Variants in AGXT observed in about 807,000 individuals in gnomAD.
AGXT encodes L-alanine: glyoxylate aminotransferase 1.
Under a neutral mutation model 46.9 loss-of-function variants are expected in AGXT, and 41 were observed. The observed-to-expected ratio is 0.88, with a 90% confidence interval of 0.68 to 1.14. The LOEUF (loss-of-function observed/expected upper bound fraction) is 1.14. Among genes scored for constraint, AGXT ranks in the 50% most tolerant of loss-of-function variants. The pLI, the probability that AGXT is intolerant of heterozygous loss-of-function variation, is 0.00. For missense variants in AGXT, 525 were observed against 522.7 expected, an observed-to-expected ratio of 1.00 and a Z score of -0.04; for synonymous variants, 244 against 227.9, an observed-to-expected ratio of 1.07 and a Z score of -0.64.
Position 240,878,132 on chromosome 2 carries a change from T to C in AGXT, c.1053T>C (p.Leu351=), listed in dbSNP as rs767996757. Reference sequence around the variant, plus strand: ...TCGACATTGAGATCATGGGTGGCCTTGGGCCCTCCACGGGGAAGGTGAGAG... The same window carrying C: ...TCGACATTGAGATCATGGGTGGCCTCGGGCCCTCCACGGGGAAGGTGAGAG... ...DHFDIEIMGG[L]GPSTGKVLRI... The change falls in exon 10 of 11, where the codon CTT becomes CTC. Residue 351 remains leucine, a synonymous_variant. Transcript: ENST00000307503. 2.5e-5 allele frequency: 41 copies of C among 1,612,928 alleles called. No individual in the cohort carries two copies. In the Admixed American group the frequency reaches 6.7e-4, roughly 26 times the overall value.
intron 8 of AGXT, among the ~76,000 whole-genome samples, chr2:240,876,720 A>G (rs1277498980): frequency 6.6e-6 from 1 of 152,204 alleles, no homozygotes; most frequent in Non-Finnish European, 1.5e-5. Context: ...GCCACTGCCT[A>G]GGGCTGGGTT....
rs180177185 is a variant in AGXT at position 240,869,248 on chromosome 2, G to C, written c.244G>C (p.Gly82Arg). Residue 82 changes from glycine to arginine, a missense_variant, in exon 2 of 11, where the codon GGA (glycine) becomes CGA (arginine). Gly to Arg is a moderately radical substitution (Grantham distance 125). Transcript: ENST00000307503. ...ACTCACACTGGTCATCTCTGGCTCGGGACACTGTGCCCTGGAGGCCGCCCT... is the reference window on the plus strand; with the variant it reads ...ACTCACACTGGTCATCTCTGGCTCGCGACACTGTGCCCTGGAGGCCGCCCT... ...NPLTLVISGS[G>R]HCALEAALVN... is the part of the protein sequence containing the mutation. 1 of 1,613,894 alleles carries C rather than the reference G, an allele frequency of 6.2e-7. No individual in the cohort carries two copies. Among genetic ancestry groups the C allele is most frequent in the East Asian group, 2.2e-5 (1 of 44,876 alleles).
intron 2 of AGXT, 91 bp downstream of exon 2, chr2:240,869,453 C>T: frequency 4.9e-6 from 7 of 1,414,162 alleles, no homozygotes; most frequent in Non-Finnish European, 6.6e-6. Context: ...GCCCCCGTTC[C>T]TGGGTGAGCG....
At chr2:240,870,832 C>T (rs978032866) in intron 3 of AGXT, 124 bp downstream of exon 3, 2 of 919,874 alleles carry the variant, frequency 2.2e-6, no homozygotes, top group South Asian at 1.6e-5. Context: ...GTGGCTGACC[C>T]TCAGCCCATC....
Position 240,870,638 on chromosome 2 carries a change from A to C in AGXT, c.359-6A>C. 6.4e-7 allele frequency: 1 copy of C among 1,551,248 alleles called. No homozygotes were observed. The highest frequency in any genetic ancestry group is 1.4e-5 in the African/African-American group (1 of 73,198). On this transcript the variant is annotated splice_region_variant and splice_polypyrimidine_tract_variant and intron_variant, in intron 2 of 10. Coordinates refer to ENST00000307503, the MANE Select transcript of AGXT (RefSeq NM_000030.3). ...ACACTCACGGCCCACTCTGTCCTGC[A>C]CCCAGGAGCCCGAGTGCACCCGATG...
intron 9 of AGXT, 126 bp downstream of exon 9, chr2:240,877,758 T>A: frequency 8.7e-7 from 1 of 1,143,100 alleles, no homozygotes; most frequent in Middle Eastern, 2.7e-4. Flanking sequence ...TGGTGTGGCC[T>A]CGGTGCCAGG....
rs1254115193 is a variant in AGXT, at chr2:240,878,941, C to G, written c.*120C>G. On this transcript the variant is annotated 3_prime_UTR_variant, in exon 11 of 11. Coordinates refer to ENST00000307503, the MANE Select transcript of AGXT (RefSeq NM_000030.3). ...CCTGGGGACAGGAAAGCCACTGACC[C>G]AGCCCGGGAGGCAGAACCAGGCAGC... The G allele has an allele frequency of 1.8e-5, 19 of 1,082,176 alleles. No individual in the cohort carries two copies. Among genetic ancestry groups the G allele is most frequent in the Non-Finnish European group, 2.3e-5 (17 of 733,822 alleles). The allele number at this position is 1,082,176 out of a possible 1,614,324, so 67.0% of individuals were successfully genotyped here. A position where few individuals can be genotyped will look rare whatever the true frequency, so the allele number is the denominator to read the frequency against.
At position 240,868,969 on chromosome 2, in the gene AGXT, C is replaced by T. The variant is rs779013628; in HGVS notation, c.104C>T (p.Pro35Leu). 2 of 1,591,686 alleles carry T rather than the reference C, an allele frequency of 1.3e-6. No homozygotes were observed. Among genetic ancestry groups the T allele is most frequent in the Non-Finnish European group, 1.7e-6 (2 of 1,168,462 alleles). ...GGGCCTGGTCCTTCCAACCTGCCTC[C>T]TCGCATCATGGCAGCCGGGGGGCTG... ...LLGPGPSNLP[P>L]RIMAAGGLQM... Residue 35 changes from proline to leucine, a missense_variant, in exon 1 of 11, where the codon CCT becomes CTT. Physicochemically the swap from Pro to Leu is moderately conservative, Grantham distance 98. Transcript: ENST00000307503.
intron 5 of AGXT, 86 bp downstream of exon 5, chr2:240,873,135 G>A: frequency 8.3e-7 from 1 of 1,206,776 alleles, no homozygotes; most frequent in East Asian, 2.3e-5. Flanking sequence ...CGTGCGTCCA[G>A]CAGCCGATGC....
At position 240,873,025 on chromosome 2, in the gene AGXT, A is replaced by AC. The variant is rs180177241; in HGVS notation, c.577dup (p.Leu193ProfsTer32). ...GGATTCGGTGGCATCCCTGGGCGGG[A>AC]CCCCCCTTTACATGGACCGGCAAGG... On this transcript the variant is annotated frameshift_variant, in exon 5 of 11. Coordinates refer to ENST00000307503, the MANE Select transcript of AGXT (RefSeq NM_000030.3). LOFTEE classifies it high-confidence loss of function. 2 of 1,613,016 alleles carry AC rather than the reference A, an allele frequency of 1.2e-6. No individual in the cohort carries two copies. The highest frequency in any genetic ancestry group is 1.1e-5 in the South Asian group (1 of 91,012).
intron 9 of AGXT, 124 bp downstream of exon 9, chr2:240,877,756 C>T: frequency 8.7e-7 from 1 of 1,155,808 alleles, no homozygotes; most frequent in Non-Finnish European, 1.2e-6. Flanking sequence ...GGTGGTGTGG[C>T]CTCGGTGCCA....
chr2:240,873,508 A>G (rs1490215911), intron 5 of AGXT: 2 of 253,336 alleles, frequency 7.9e-6, no homozygotes, highest in Non-Finnish European at 1.5e-5. Context: ...CCGAGGGGCC[A>G]AGGAGCCTCC....
At position 240,874,063 on chromosome 2, in the gene AGXT, G is replaced by A. The variant is rs111996685; in HGVS notation, c.680+1G>A. ...TCATCTCCTTCAGTGACAAGGCCAAGTGAGTGACCCACAGACCCTCACCTC... is the reference window on the plus strand; with the variant it reads ...TCATCTCCTTCAGTGACAAGGCCAAATGAGTGACCCACAGACCCTCACCTC... On this transcript the variant is annotated splice_donor_variant, in intron 6 of 10. Transcript: ENST00000307503. LOFTEE classifies it high-confidence loss of function. The A allele has an allele frequency of 6.2e-7, 1 of 1,613,318 alleles. No individual in the cohort carries two copies. Among genetic ancestry groups the A allele is most frequent in the Non-Finnish European group, 8.5e-7 (1 of 1,179,812 alleles).
chr2:240,875,160 C>A lies in AGXT; in HGVS notation c.732C>A (p.Ile244=), dbSNP rs147106773. 2.0e-3 allele frequency: 3,263 copies of A among 1,614,066 alleles called. 122 individuals carry two copies. In the Admixed American group the frequency reaches 0.05, roughly 25 times the overall value. ...AGCCCTTCTCCTTCTACCTGGACAT[C>A]AAGTGGCTGGCCAACTTCTGGGGCT... ...KTKPFSFYLD[I]KWLANFWGCD... The change falls in exon 7 of 11, where the codon ATC becomes ATA. Residue 244 remains isoleucine (I), a synonymous_variant. Transcript: ENST00000307503.
Position 240,877,612 on chromosome 2 carries a change from C to A in AGXT, c.922C>A (p.Gln308Lys). The A allele has an allele frequency of 6.4e-7, 1 of 1,550,962 alleles. No individual in the cohort carries two copies. The highest frequency in any genetic ancestry group is 8.7e-7 in the Non-Finnish European group (1 of 1,147,024). The change falls in exon 9 of 11, where the codon CAG (glutamine) becomes AAG (lysine). Residue 308 changes from glutamine (Q) to lysine (K), a missense_variant. By Grantham distance (53) the Gln-to-Lys change is moderately conservative. Transcript: ENST00000307503. ...TGGGCGCCTGCAGGCACTGGGGCTG[C>A]AGCTCTTCGTGAAGGACCCGGTAAG... ...LHGRLQALGL[Q>K]LFVKDPALRL...
Position 240,879,823 on chromosome 2 carries a change from A to G in AGXT, c.*1002A>G, listed in dbSNP as rs1377565575. ...CTGTGCCCAGCCATAGTTGAATTTC[A>G]TGGTCAGTGGAACACACAGCAGGTC... On this transcript the variant is annotated 3_prime_UTR_variant, in exon 11 of 11. Coordinates refer to ENST00000307503, the MANE Select transcript of AGXT (RefSeq NM_000030.3). 1.3e-5 allele frequency: 2 copies of G among 152,246 alleles called. No individual in the cohort carries two copies. The highest frequency in any genetic ancestry group is 2.4e-5 in the African/African-American group (1 of 41,450). The allele number at this position is 152,246 out of a possible 1,614,324, so 9.4% of individuals were successfully genotyped here.
At chr2:240,877,479 C>A in intron 8 of AGXT, 58 bp from the exon 9 acceptor site, 1 of 1,441,622 alleles carries the variant, frequency 6.9e-7, no homozygotes, top group East Asian at 2.5e-5. Context: ...CCACAGAGGG[C>A]GGGGCTTCCT....
chr2:240,876,112 GC>G, intron 8 of AGXT, 108 bp downstream of exon 8: 1 of 1,328,158 alleles, frequency 7.5e-7, no homozygotes, highest in Non-Finnish European at 1.1e-6. Flanking sequence ...AAGGGAGCCT[GC>G]CAGAGAGAGG....
intron 4 of AGXT, 112 bp from the exon 5 acceptor site, chr2:240,872,867 C>T (rs2058999462): frequency 2.1e-6 from 2 of 939,826 alleles, no homozygotes; most frequent in African/African-American, 1.6e-5. Context: ...TGGGAGGTGC[C>T]CTGCCTTCCT....
Sources: gnomAD v4.1 joint callset for allele counts (sites outside exome capture counted in the v4.1 genomes callset) on GRCh38, gnomAD v4.1.1 for gene constraint, MANE v1.5 for transcripts, NCBI Gene and HGNC (gene_info 2026-07-23, HGNC 2026-07-21) for gene names.